The following DENND4C variants were observed in gnomAD, a reference collection of about 807,000 sequenced individuals.
DENND4C encodes the protein DENN domain containing 4C.
Under a neutral mutation model 203.0 loss-of-function variants are expected in DENND4C, and 108 were observed. That is an observed-to-expected ratio of 0.53 (90% confidence interval 0.46 to 0.62). The LOEUF is 0.62. DENND4C is among the 20% of genes least tolerant of loss of function. DENND4C has a pLI of 0.00. For synonymous variants in DENND4C, 871 were observed against 792.4 expected (o/e 1.10, Z -1.67); for missense variants, 2,481 against 2,301.2 (o/e 1.08, Z -1.60).
rs1351730263 is a variant in DENND4C, at chr9:19,373,483, CG to C, written c.*1312del. The C allele has an allele frequency of 2.0e-5, 3 of 152,478 alleles. No homozygotes were observed. Among genetic ancestry groups the C allele is most frequent in the East Asian group, 1.9e-4 (1 of 5,202 alleles). The allele number at this position is 152,478 out of a possible 1,614,324, so 9.4% of individuals were successfully genotyped here. Reference sequence around the variant, plus strand: ...CTGTGGGATAAACTTGCACTGCACACGGAAGTTTTATTCTTGTATATTTAGA... The same window carrying C: ...CTGTGGGATAAACTTGCACTGCACACGAAGTTTTATTCTTGTATATTTAGA... On this transcript the variant is annotated 3_prime_UTR_variant, in exon 33 of 33. Coordinates refer to ENST00000434457, the MANE Select transcript of DENND4C (RefSeq NM_001330640.2).
At chr9:19,353,522 G>A (rs1242713668) in intron 26 of DENND4C, among the ~76,000 whole-genome samples, 2 of 152,164 alleles carry the variant, frequency 1.3e-5, no homozygotes, top group South Asian at 4.1e-4. Context: ...CAGGCACCCG[G>A]GAGGCTGAGG....
intron 16 of DENND4C, among the ~76,000 whole-genome samples, 158 bp downstream of exon 16, chr9:19,328,320 A>G (rs545058817): frequency 6.6e-6 from 1 of 152,206 alleles, no homozygotes; most frequent in Non-Finnish European, 1.5e-5. Context: ...CCTACTTAAA[A>G]TATCAAGTCT....
At chr9:19,329,486 A>G (rs536395217) in intron 16 of DENND4C, among the ~76,000 whole-genome samples, 51 of 152,338 alleles carry the variant, frequency 3.3e-4, no homozygotes, top group Middle Eastern at 6.8e-3. Flanking sequence ...CTTCTTGGCT[A>G]TTATGAATAT....
At chr9:19,254,744 G>A (rs1366227710) in intron 1 of DENND4C, among the ~76,000 whole-genome samples, 2 of 152,138 alleles carry the variant, frequency 1.3e-5, no homozygotes, top group Non-Finnish European at 2.9e-5. Context: ...GACTGTGGTA[G>A]TCAGTACATA....
intron 12 of DENND4C, among the ~76,000 whole-genome samples, chr9:19,318,855 C>G (rs1038404263): frequency 1.3e-5 from 2 of 152,074 alleles, no homozygotes; most frequent in Non-Finnish European, 2.9e-5. Context: ...TTCCGAGGTA[C>G]TAGGGGCTAG....
At chr9:19,371,952 A>G (rs1033877249) in intron 32 of DENND4C, 85 bp from the exon 33 acceptor site, 5 of 1,400,168 alleles carry the variant, frequency 3.6e-6, no homozygotes, top group Non-Finnish European at 4.9e-6. Context: ...TCAAATACAT[A>G]TAATTTGACT....
chr9:19,232,119 A>G (rs1820725363), intron 1 of DENND4C, among the ~76,000 whole-genome samples: 1 of 152,200 alleles, frequency 6.6e-6, no homozygotes, highest in Non-Finnish European at 1.5e-5. Context: ...TGCAAAAAAG[A>G]AACTATATTT....
intron 26 of DENND4C, among the ~76,000 whole-genome samples, chr9:19,356,337 AAAC>A (rs1199883191): frequency 3.9e-5 from 6 of 152,158 alleles, no homozygotes; most frequent in African/African-American, 1.4e-4. Flanking sequence ...TACAAATCTT[AAAC>A]ATACCATTTG....
At chr9:19,363,384 G>A (rs1826910368) in intron 30 of DENND4C, among the ~76,000 whole-genome samples, 1 of 152,018 alleles carries the variant, frequency 6.6e-6, no homozygotes, top group South Asian at 2.1e-4. Context: ...GTGGTGGTGG[G>A]CACCTGTAGT....
At chr9:19,293,703 A>G (rs1201063209) in intron 5 of DENND4C, among the ~76,000 whole-genome samples, 1 of 152,212 alleles carries the variant, frequency 6.6e-6, no homozygotes, top group African/African-American at 2.4e-5. Context: ...GAACTAGTCT[A>G]TATGCCTGGT....
In DENND4C at chr9:19,350,822, A is replaced by C. The variant is rs1823948485; in HGVS notation, c.4438A>C (p.Thr1480Pro). Residue 1480 changes from threonine to proline, a missense_variant, in exon 24 of 33, where the codon ACA (threonine) becomes CCA (proline). Transcript: ENST00000434457. ...CCCCAGTGAACTTACCCAGAGCAAC[A>C]CAAGTCTTGGCAGTAGCAGCAGTAG... is the stretch of plus-strand genomic sequence containing the variant. ...LVPSELTQSN[T>P]SLGSSSSSGD... 1.9e-6 allele frequency: 3 copies of C among 1,614,180 alleles called. No homozygotes were observed. Among genetic ancestry groups the C allele is most frequent in the African/African-American group, 1.3e-5 (1 of 75,060 alleles).
chr9:19,263,141 A>G (rs1275348292), intron 1 of DENND4C, among the ~76,000 whole-genome samples: 1 of 152,198 alleles, frequency 6.6e-6, no homozygotes, highest in East Asian at 1.9e-4. Context: ...AGTTTTTGTC[A>G]TGAAAGGATA....
At chr9:19,255,298 A>G (rs1221684940) in intron 1 of DENND4C, among the ~76,000 whole-genome samples, 1 of 151,992 alleles carries the variant, frequency 6.6e-6, no homozygotes, top group East Asian at 1.9e-4. Context: ...CCAGCTACTC[A>G]GGAGGCTGAG....
chr9:19,371,663 A>G, intron 31 of DENND4C, 93 bp from the exon 32 acceptor site: 1 of 666,842 alleles, frequency 1.5e-6, no homozygotes, highest in South Asian at 1.7e-5. Context: ...TATTAACTAG[A>G]TGACAGAACT....
intron 23 of DENND4C, among the ~76,000 whole-genome samples, chr9:19,349,255 A>G (rs897797945): frequency 6.6e-6 from 1 of 152,072 alleles, no homozygotes; most frequent in East Asian, 1.9e-4. Flanking sequence ...AAAAAATACA[A>G]AAATTAGCTG....
In DENND4C at chr9:19,373,371, T is replaced by C. The variant is rs1487227905; in HGVS notation, c.*1198T>C. On this transcript the variant is annotated 3_prime_UTR_variant, in exon 33 of 33. Coordinates refer to ENST00000434457, the MANE Select transcript of DENND4C (RefSeq NM_001330640.2). ...TAATAATTTATGGAATTCATTGGAA[T>C]GTGCTTAAAATGCTAAAGTGTATGT... 1 of 152,684 alleles carries C rather than the reference T, an allele frequency of 6.5e-6. No individual in the cohort carries two copies. The highest frequency in any genetic ancestry group is 1.9e-4 in the East Asian group (1 of 5,200). The allele number at this position is 152,684 out of a possible 1,614,324, so 9.5% of individuals were successfully genotyped here.
chr9:19,349,438 A>G (rs1275834159), intron 23 of DENND4C, among the ~76,000 whole-genome samples: 3 of 152,196 alleles, frequency 2.0e-5, no homozygotes, highest in Non-Finnish European at 4.4e-5. Flanking sequence ...TTAAAAACAG[A>G]AGTACATTAC....
At chr9:19,367,253 T>G (rs1827865248) in intron 30 of DENND4C, among the ~76,000 whole-genome samples, 1 of 152,228 alleles carries the variant, frequency 6.6e-6, no homozygotes, top group African/African-American at 2.4e-5. Flanking sequence ...AATATAAAAT[T>G]GTGCAGCTCC....
intron 1 of DENND4C, among the ~76,000 whole-genome samples, chr9:19,246,469 C>G (rs10811148): frequency 6.6e-6 from 1 of 151,906 alleles, no homozygotes; most frequent in Non-Finnish European, 1.5e-5. Flanking sequence ...GATGAGGTCT[C>G]GCTATGTCAA....
Sources: gnomAD v4.1 joint callset for allele counts (sites outside exome capture counted in the v4.1 genomes callset) on GRCh38, gnomAD v4.1.1 for gene constraint, MANE v1.5 for transcripts, NCBI Gene and HGNC (gene_info 2026-07-23, HGNC 2026-07-21) for gene names.